Variants in MAGI1 observed in about 807,000 individuals in gnomAD.
MAGI1 encodes the protein membrane-associated guanylate kinase, WW and PDZ domain-containing protein 1.
In MAGI1, 58 loss-of-function variants were observed where a neutral mutation model predicts 139.9. The ratio of observed to expected loss-of-function variants is 0.41; its 90% CI spans 0.34 to 0.52. MAGI1 has a LOEUF of 0.52. Among genes scored for constraint, MAGI1 ranks in the 20% least tolerant of loss-of-function variants. MAGI1 has a pLI of 0.12. For synonymous variants in MAGI1, 812 were observed against 737.9 expected (o/e 1.10, Z -1.63); for missense variants, 1,874 against 1,901.6 (o/e 0.99, Z 0.27).
chr3:65,389,544 A>G (rs1305148076), intron 14 of MAGI1, among the ~76,000 whole-genome samples: 1 of 152,306 alleles, frequency 6.6e-6, no homozygotes, highest in African/African-American at 2.4e-5. Context: ...CTCAGAGAGA[A>G]ATGCGCGGGG....
At chr3:65,798,463 G>A (rs1413379230) in intron 1 of MAGI1, among the ~76,000 whole-genome samples, 1 of 152,156 alleles carries the variant, frequency 6.6e-6, no homozygotes, top group African/African-American at 2.4e-5. Context: ...AAGACACTCT[G>A]AAGTTCCAAA....
At chr3:65,940,100 A>G (rs2063236848) in intron 1 of MAGI1, among the ~76,000 whole-genome samples, 1 of 152,180 alleles carries the variant, frequency 6.6e-6, no homozygotes, top group Non-Finnish European at 1.5e-5. Flanking sequence ...GAGCTAGGCT[A>G]GGCCGCCCTT....
rs571578189 is a variant in MAGI1 at position 65,395,963 on chromosome 3, C to A, written c.2200-4605G>T. 3.9e-5 allele frequency among the ~76,000 whole-genome samples: 6 copies of A among 151,988 alleles called. No individual in the cohort carries two copies. The East Asian group carries it at 1.2e-3, about 30-fold the overall frequency. ...GCCCCAGGTGCAGTCAATGTGGGGA[C>A]CTGAGGTGGGCAACACCAGGGTAGC... On this transcript the variant is annotated intron_variant, in intron 13 of 22. Transcript: ENST00000402939.
intron 1 of MAGI1, among the ~76,000 whole-genome samples, chr3:65,673,544 T>A (rs1454887441): frequency 6.6e-6 from 1 of 152,180 alleles, no homozygotes; most frequent in African/African-American, 2.4e-5. Flanking sequence ...CTACTCCAAT[T>A]TGAGAAAAAG....
At chr3:65,558,426 GATCACTTGAGACT>G (rs1349123357) in intron 2 of MAGI1, among the ~76,000 whole-genome samples, 1 of 152,058 alleles carries the variant, frequency 6.6e-6, no homozygotes, top group Non-Finnish European at 1.5e-5. Flanking sequence ...GAGGCAAGAG[GATCACTTGAGACT>G]ATGAACTTGA....
chr3:66,023,017 G>C (rs190728940), intron 1 of MAGI1, among the ~76,000 whole-genome samples: 1 of 152,180 alleles, frequency 6.6e-6, no homozygotes, highest in Non-Finnish European at 1.5e-5. Context: ...GCATTTTATA[G>C]TAGCAGAAAG....
intron 1 of MAGI1, among the ~76,000 whole-genome samples, chr3:65,859,958 C>T (rs553323992): frequency 1.3e-5 from 2 of 151,324 alleles, no homozygotes; most frequent in Non-Finnish European, 1.5e-5. Context: ...GGCAATGGCG[C>T]GATCTCGGCT....
At chr3:65,468,076 T>C (rs1950282410) in intron 5 of MAGI1, among the ~76,000 whole-genome samples, 1 of 152,204 alleles carries the variant, frequency 6.6e-6, no homozygotes, top group Non-Finnish European at 1.5e-5. Flanking sequence ...CAAGTCCTCT[T>C]TTTATATATA....
chr3:65,775,096 T>C (rs549654108), intron 1 of MAGI1, among the ~76,000 whole-genome samples: 7 of 152,262 alleles, frequency 4.6e-5, no homozygotes, highest in South Asian at 2.1e-4. Flanking sequence ...TACAGACTGA[T>C]TGATCTCAAA....
chr3:65,419,645 C>T (rs1053587606), intron 12 of MAGI1, among the ~76,000 whole-genome samples: 2 of 152,156 alleles, frequency 1.3e-5, no homozygotes, highest in African/African-American at 4.8e-5. Context: ...CTTGATTTTA[C>T]AGCTCAAGTC....
chr3:65,412,902 C>T (rs1945902653), intron 12 of MAGI1, among the ~76,000 whole-genome samples: 1 of 152,130 alleles, frequency 6.6e-6, no homozygotes. Context: ...GAGGGAAACA[C>T]CAAACCCTAT....
intron 1 of MAGI1, among the ~76,000 whole-genome samples, chr3:65,984,590 T>C (rs1198068847): frequency 6.6e-6 from 1 of 150,554 alleles, no homozygotes; most frequent in Non-Finnish European, 1.5e-5. Flanking sequence ...AGTACAGTGT[T>C]ACGATCACCA....
intron 1 of MAGI1, among the ~76,000 whole-genome samples, chr3:65,994,741 T>C (rs1225411282): frequency 6.6e-6 from 1 of 152,184 alleles, no homozygotes; most frequent in Non-Finnish European, 1.5e-5. Context: ...AATCACAGTA[T>C]CATCACTTCT....
At chr3:65,461,632 G>GCGCC (rs1949805846) in intron 5 of MAGI1, among the ~76,000 whole-genome samples, 2 of 151,820 alleles carry the variant, frequency 1.3e-5, no homozygotes, top group East Asian at 3.9e-4. Flanking sequence ...GGGACTACAG[G>GCGCC]CGCCCGCCAC....
chr3:65,858,569 T>G (rs1337248584), intron 1 of MAGI1, among the ~76,000 whole-genome samples: 1 of 152,246 alleles, frequency 6.6e-6, no homozygotes, highest in Non-Finnish European at 1.5e-5. Context: ...AAATGAAGAT[T>G]CTTTTCCTTT....
intron 1 of MAGI1, among the ~76,000 whole-genome samples, chr3:65,899,668 T>C (rs1295936428): frequency 6.6e-6 from 1 of 152,184 alleles, no homozygotes; most frequent in Admixed American, 6.5e-5. Flanking sequence ...GCTGGAAAAA[T>C]GAATTTGCAG....
chr3:65,448,423 A>T (rs1354268247), intron 6 of MAGI1, among the ~76,000 whole-genome samples: 1 of 152,186 alleles, frequency 6.6e-6, no homozygotes, highest in Non-Finnish European at 1.5e-5. Context: ...TTTCATTATC[A>T]GTCCTTTTAA....
Position 65,735,396 on chromosome 3 carries a change from A to G in MAGI1, c.314-113308T>C, listed in dbSNP as rs557626966. ...GTGTGTGTACAGGAGATCAACAGAA[A>G]ATATAAATATTGGAGGTGATTCCTA... On this transcript the variant is annotated intron_variant, in intron 1 of 22. Coordinates refer to ENST00000402939, the MANE Select transcript of MAGI1 (RefSeq NM_001033057.2). Among the ~76,000 whole-genome samples the G allele has an allele frequency of 4.4e-5, 4 of 91,468 alleles. No individual in the cohort carries two copies. In the East Asian group the frequency reaches 2.8e-3, roughly 64 times the overall value. The allele number at this position is 91,468 out of a possible 152,430, so 60.0% of individuals were successfully genotyped here. A position where few individuals can be genotyped will look rare whatever the true frequency, so the allele number is the denominator to read the frequency against.
Position 65,565,994 on chromosome 3 carries a change from G to A in MAGI1, c.430+55978C>T, listed in dbSNP as rs529735042. 6.6e-5 allele frequency among the ~76,000 whole-genome samples: 10 copies of A among 152,070 alleles called. No homozygotes were observed. In the South Asian group the frequency reaches 2.1e-3, roughly 32 times the overall value. ...ATATTTTAAGTTTGTGGTGGCTCAC[G>A]CCTATAATCCCAGCACTTTGGGAGG... is the stretch of plus-strand genomic sequence containing the variant. On this transcript the variant is annotated intron_variant, in intron 2 of 22. Coordinates refer to ENST00000402939, the MANE Select transcript of MAGI1 (RefSeq NM_001033057.2).
Sources: gnomAD v4.1 joint callset for allele counts (sites outside exome capture counted in the v4.1 genomes callset) on GRCh38, gnomAD v4.1.1 for gene constraint, MANE v1.5 for transcripts, NCBI Gene and HGNC (gene_info 2026-07-23, HGNC 2026-07-21) for gene names.